The following RPS6KA2 variants were observed in gnomAD, a reference collection of about 807,000 sequenced individuals.
RPS6KA2 encodes ribosomal protein S6 kinase A2.
Under a neutral mutation model 91.8 loss-of-function variants are expected in RPS6KA2, and 42 were observed. The observed-to-expected ratio is 0.46, with a 90% CI of 0.36 to 0.59. The LOEUF (loss-of-function observed/expected upper bound fraction) is 0.59, where lower values mean the gene tolerates loss of function less well. Among genes scored for constraint, RPS6KA2 ranks in the 20% least tolerant of loss-of-function variants. The pLI, the probability that RPS6KA2 is intolerant of heterozygous loss-of-function variation, is 0.00. For synonymous variants in RPS6KA2, 414 were observed against 393.6 expected (o/e 1.05, Z -0.61); for missense variants, 798 against 978.5 (o/e 0.82, Z 2.46).
At chr6:166,858,854 T>C (rs1386938956) in intron 1 of RPS6KA2, among the ~76,000 whole-genome samples, 1 of 152,256 alleles carries the variant, frequency 6.6e-6, no homozygotes, top group Non-Finnish European at 1.5e-5. Context: ...CTGCTTAACC[T>C]GGGCCTCGGA....
At chr6:166,630,484 T>G (rs911072495), upstream of RPS6KA2, among the ~76,000 whole-genome samples, 1 of 152,272 alleles carries the variant, frequency 6.6e-6, no homozygotes, top group Non-Finnish European at 1.5e-5. Context: ...ACTAAAGTTT[T>G]GCCATGGGAG....
At chr6:166,663,237 T>C (rs1562370866) in intron 2 of RPS6KA2, among the ~76,000 whole-genome samples, 1 of 152,148 alleles carries the variant, frequency 6.6e-6, no homozygotes, top group Non-Finnish European at 1.5e-5. Context: ...TACTGTATCA[T>C]CCCAGAAGGC....
chr6:166,501,618 G>A (rs1782030992), intron 6 of RPS6KA2, among the ~76,000 whole-genome samples: 1 of 152,236 alleles, frequency 6.6e-6, no homozygotes, highest in African/African-American at 2.4e-5. Flanking sequence ...GGTGAACCCT[G>A]CATAGAGAAT....
intron 10 of RPS6KA2, among the ~76,000 whole-genome samples, chr6:166,479,669 T>G (rs1304905173): frequency 6.6e-6 from 1 of 152,234 alleles, no homozygotes; most frequent in Non-Finnish European, 1.5e-5. Context: ...AAACTGGGTT[T>G]TCAATCATAA....
intron 2 of RPS6KA2, among the ~76,000 whole-genome samples, chr6:166,775,456 A>G (rs1778589789): frequency 6.6e-6 from 1 of 152,228 alleles, no homozygotes; most frequent in Non-Finnish European, 1.5e-5. Flanking sequence ...TTTTGTTATA[A>G]CAAACAAAAT....
chr6:166,423,226 G>A lies in RPS6KA2; in HGVS notation c.1743+30C>T. 2 of 1,586,524 alleles carry A rather than the reference G, an allele frequency of 1.3e-6. No individual in the cohort carries two copies. Among genetic ancestry groups the A allele is most frequent in the Non-Finnish European group, 1.7e-6 (2 of 1,161,296 alleles). On this transcript the variant is annotated intron_variant, in intron 17 of 20. Transcript: ENST00000265678. The surrounding 1 kb of genome is among the most constrained non-coding windows in gnomAD (Gnocchi z 4.8). ...CAGAGCCTGTCTTTGCGGATAGAGAGGCCTGGGTCTGCAGTCGGGGAATGC... is the reference window on the plus strand; with the variant it reads ...CAGAGCCTGTCTTTGCGGATAGAGAAGCCTGGGTCTGCAGTCGGGGAATGC...
rs142502976 is a variant in RPS6KA2, at chr6:166,589,669, G to T, written c.99+37252C>A. Among the ~76,000 whole-genome samples the T allele has an allele frequency of 4.0e-3, 616 of 152,300 alleles. 6 individuals are homozygous for T. Among genetic ancestry groups the T allele is most frequent in the African/African-American group, 0.011 (470 of 41,550 alleles). ...TCAGCTTTTACTATCAGCTCCAATA[G>T]AGACTGTTGGTAGAAATGGGCGCAC... On this transcript the variant is annotated intron_variant, in intron 1 of 20. Coordinates refer to ENST00000265678, the MANE Select transcript of RPS6KA2 (RefSeq NM_021135.6).
chr6:166,651,294 T>C (rs148411270), intron 2 of RPS6KA2, among the ~76,000 whole-genome samples: 2 of 152,358 alleles, frequency 1.3e-5, no homozygotes, highest in South Asian at 2.1e-4. Context: ...CAGAAAAGTG[T>C]TGGATCATGT....
chr6:166,646,978 G>A (rs529847083), intron 2 of RPS6KA2, among the ~76,000 whole-genome samples: 3 of 152,076 alleles, frequency 2.0e-5, no homozygotes, highest in Non-Finnish European at 2.9e-5. Flanking sequence ...CCAGGCTGAC[G>A]CCCAGCCCTC....
chr6:166,808,763 A>G (rs77780105), intron 2 of RPS6KA2, among the ~76,000 whole-genome samples: 1 of 152,262 alleles, frequency 6.6e-6, no homozygotes, highest in Non-Finnish European at 1.5e-5. Flanking sequence ...AGCAGTATCA[A>G]GTATAGTCAT....
At chr6:166,833,882 C>T (rs9348185) in intron 2 of RPS6KA2, among the ~76,000 whole-genome samples, 103,354 of 151,866 alleles carry the variant, frequency 0.68, 35,249 homozygotes, top group Middle Eastern at 0.75. Context: ...AATTCCTTTT[C>T]TTCTTTCTTT....
At chr6:166,802,688 T>A (rs1309228124) in intron 2 of RPS6KA2, among the ~76,000 whole-genome samples, 1 of 152,192 alleles carries the variant, frequency 6.6e-6, no homozygotes, top group Non-Finnish European at 1.5e-5. Flanking sequence ...AACCAGTTGA[T>A]CTGTCCAGGT....
chr6:166,633,863 G>A (rs1249634616), intron 2 of RPS6KA2, among the ~76,000 whole-genome samples: 2 of 152,146 alleles, frequency 1.3e-5, no homozygotes, highest in African/African-American at 4.8e-5. Flanking sequence ...TATACTATGA[G>A]TCAGCGGAAC....
At chr6:166,783,379 G>C (rs978989516) in intron 2 of RPS6KA2, among the ~76,000 whole-genome samples, 2 of 152,066 alleles carry the variant, frequency 1.3e-5, no homozygotes, top group African/African-American at 4.8e-5. Flanking sequence ...TCTTCAGACA[G>C]CCTTGAGACT....
intron 2 of RPS6KA2, among the ~76,000 whole-genome samples, chr6:166,734,729 G>A (rs1790627791): frequency 6.6e-6 from 1 of 152,184 alleles, no homozygotes; most frequent in South Asian, 2.1e-4. Flanking sequence ...TGTGGCTGAG[G>A]CTGGCATACC....
chr6:166,463,075 C>G (rs937012414), intron 11 of RPS6KA2: 5 of 152,370 alleles, frequency 3.3e-5, no homozygotes, highest in Non-Finnish European at 5.9e-5. Context: ...GCCGGTCACT[C>G]TGGCCCTTTG....
chr6:166,534,251 GA>G (rs1783406708), intron 2 of RPS6KA2, among the ~76,000 whole-genome samples: 1 of 139,302 alleles, frequency 7.2e-6, no homozygotes, highest in Non-Finnish European at 1.6e-5. Flanking sequence ...AAAAAAGAAA[GA>G]AAAAACAAAA....
chr6:166,725,470 T>C (rs991208381), intron 2 of RPS6KA2, among the ~76,000 whole-genome samples: 10 of 152,194 alleles, frequency 6.6e-5, no homozygotes, highest in Non-Finnish European at 1.2e-4. Context: ...TTCAGCCTCC[T>C]AGCCCAGCCC....
intron 2 of RPS6KA2, among the ~76,000 whole-genome samples, chr6:166,750,288 C>A (rs568939746): frequency 6.6e-6 from 1 of 152,196 alleles, no homozygotes; most frequent in Non-Finnish European, 1.5e-5. Context: ...GGGTGCTCAC[C>A]AGCCCAGGGC....
Sources: gnomAD v4.1 joint callset for allele counts (sites outside exome capture counted in the v4.1 genomes callset) on GRCh38, gnomAD v4.1.1 for gene constraint, Gnocchi (gnomAD v3.1) non-coding constraint, MANE v1.5 for transcripts, NCBI Gene and HGNC (gene_info 2026-07-23, HGNC 2026-07-21) for gene names.